SGPP1: variants seen among roughly 807,000 people sequenced by gnomAD.
SGPP1 encodes the protein sphingosine-1-phosphate phosphatase 1.
A neutral mutation model predicts 33.0 loss-of-function variants in SGPP1; 21 were observed. That is an observed-to-expected ratio of 0.64 (90% CI 0.45 to 0.92). The LOEUF is 0.92. Ranked by LOEUF, SGPP1 falls within the 40% of genes least tolerant of loss-of-function variation. SGPP1 has a pLI of 0.00. For missense variants in SGPP1, 543 were observed against 589.4 expected (o/e 0.92, Z 0.81); for synonymous variants, 239 against 241.2 (o/e 0.99, Z 0.08).
chr14:63,715,713 A>T lies in SGPP1; in HGVS notation c.684+11548T>A, dbSNP rs897792374. Among the ~76,000 whole-genome samples the T allele has an allele frequency of 2.0e-5, 3 of 152,196 alleles. 1 individual carries two copies. The highest frequency in any genetic ancestry group is 7.2e-5 in the African/African-American group (3 of 41,436). On this transcript the variant is annotated intron_variant, in intron 1 of 2. Coordinates refer to ENST00000247225, the MANE Select transcript of SGPP1 (RefSeq NM_030791.4). ...TAATTTGCAGGACAGAGTATTGGAG[A>T]GACAAATCTCAGAGACTGAGCCCTG...
chr14:63,721,391 C>A (rs1885768228), intron 1 of SGPP1, among the ~76,000 whole-genome samples: 1 of 151,858 alleles, frequency 6.6e-6, no homozygotes, highest in African/African-American at 2.4e-5. Flanking sequence ...TTGTAGTGAG[C>A]CACGATCATG....
In SGPP1 at chr14:63,727,974, G is replaced by A. The variant is rs2139660048; in HGVS notation, c.-30C>T. On this transcript the variant is annotated 5_prime_UTR_variant, in exon 1 of 3. Transcript: ENST00000247225. ...ACGGAACCCCCGGGAAGGCGGGCCG[G>A]CCTCCGGCGCAGCCCCGAACTGTCC... 7 of 1,526,298 alleles carry A rather than the reference G, an allele frequency of 4.6e-6. 1 individual carries two copies. Among genetic ancestry groups the A allele is most frequent in the Non-Finnish European group, 6.1e-6 (7 of 1,145,566 alleles). The allele number at this position is 1,526,298 out of a possible 1,614,324, so 94.5% of individuals were successfully genotyped here.
Position 63,685,895 on chromosome 14 carries a change from T to C in SGPP1, c.*210A>G, listed in dbSNP as rs1884961559. ...CATGAACATTCTAAATGGATACTTA[T>C]CATTTTCTCAGTAACGAAATAGCTC... On this transcript the variant is annotated 3_prime_UTR_variant, in exon 3 of 3. Transcript: ENST00000247225. The C allele has an allele frequency of 5.7e-6, 2 of 351,290 alleles. No homozygotes were observed. The highest frequency in any genetic ancestry group is 7.7e-5 in the South Asian group (1 of 12,942). 21.8% of individuals were successfully genotyped at this position (351,290 alleles called of 1,614,324 possible).
intron 1 of SGPP1, among the ~76,000 whole-genome samples, chr14:63,715,650 G>A (rs935526019): frequency 6.6e-6 from 1 of 152,104 alleles, no homozygotes; most frequent in African/African-American, 2.4e-5. Flanking sequence ...CTGAGTTAAG[G>A]GGAGAAAGAC....
At position 63,727,385 on chromosome 14, in the gene SGPP1, G is replaced by T; in HGVS notation, c.560C>A (p.Ala187Asp). 2 of 1,614,130 alleles carry T rather than the reference G, an allele frequency of 1.2e-6. No homozygotes were observed. The highest frequency in any genetic ancestry group is 1.7e-6 in the Non-Finnish European group (2 of 1,180,038). Residue 187 changes from alanine (A) to aspartate (D), a missense_variant, in exon 1 of 3, where the codon GCC (alanine) becomes GAC (aspartate). Coordinates refer to ENST00000247225, the MANE Select transcript of SGPP1 (RefSeq NM_030791.4). ...CTCCAACTTGACCACGGGCGGCGAGGCGGGCCTCGGCCAGCGGATGATGTC... is the reference window on the plus strand; with the variant it reads ...CTCCAACTTGACCACGGGCGGCGAGTCGGGCCTCGGCCAGCGGATGATGTC... ...TKDIIRWPRP[A>D]SPPVVKLEVF...
intron 1 of SGPP1, among the ~76,000 whole-genome samples, chr14:63,720,280 A>G (rs1488112818): frequency 6.6e-6 from 1 of 152,006 alleles, no homozygotes; most frequent in African/African-American, 2.4e-5. Context: ...ATGGTAAGAA[A>G]AAAAGAAGAA....
At chr14:63,703,800 GTTTTT>G (rs57439548) in intron 1 of SGPP1, among the ~76,000 whole-genome samples, 2 of 98,922 alleles carry the variant, frequency 2.0e-5, no homozygotes, top group Non-Finnish European at 2.0e-5. Flanking sequence ...CCCTATTTAA[GTTTTT>G]TTTTTTTTTT....
At chr14:63,715,475 C>T (rs1050391816) in intron 1 of SGPP1, among the ~76,000 whole-genome samples, 6 of 151,922 alleles carry the variant, frequency 3.9e-5, no homozygotes, top group African/African-American at 1.5e-4. Context: ...GTATGTTGTT[C>T]GAATAAAACC....
chr14:63,727,701 C>T lies in SGPP1; in HGVS notation c.244G>A (p.Gly82Ser). Residue 82 changes from glycine to serine, a missense_variant, in exon 1 of 3, where the codon GGC becomes AGC. By Grantham distance (56) the Gly-to-Ser change is moderately conservative. Transcript: ENST00000247225. Reference protein sequence around the residue: ...DRNQCPAKPDGGGAPNGVRNG... With the variant: ...DRNQCPAKPDSGGAPNGVRNG... ...CGCACGCCGTTGGGGGCGCCGCCGC[C>T]GTCCGGCTTGGCCGGGCACTGATTG... is the stretch of plus-strand genomic sequence containing the variant. The T allele has an allele frequency of 2.2e-6, 3 of 1,339,840 alleles. No homozygotes were observed. Among genetic ancestry groups the T allele is most frequent in the South Asian group, 1.8e-5 (1 of 54,326 alleles). The allele number at this position is 1,339,840 out of a possible 1,614,324, so 83.0% of individuals were successfully genotyped here. A position where few individuals can be genotyped will look rare whatever the true frequency, so the allele number is the denominator to read the frequency against.
intron 1 of SGPP1, among the ~76,000 whole-genome samples, chr14:63,724,806 TGAGATCAGGAGATTGCAGAGAGCC>T (rs1885844698): frequency 2.0e-5 from 3 of 150,134 alleles, no homozygotes; most frequent in Non-Finnish European, 4.4e-5. Context: ...ATCTCCTGAT[TGAGATCAGGAGATTGCAGAGAGCC>T]GAGATTGCGC....
chr14:63,691,810 A>G (rs1885098959), intron 2 of SGPP1, among the ~76,000 whole-genome samples: 1 of 152,210 alleles, frequency 6.6e-6, no homozygotes, highest in South Asian at 2.1e-4. Flanking sequence ...TTAGACAATG[A>G]CTACTCAAAG....
At position 63,686,605 on chromosome 14, in the gene SGPP1, G is replaced by T; in HGVS notation, c.826C>A (p.Pro276Thr). ...YTILILAVFY[P>T]FVDLIDNFNQ... is the part of the protein sequence containing the mutation. ...AAGTTGTCAATCAGGTCCACAAATGGATAGAAGACAGCTAAGATTAAAATG... is the reference window on the plus strand; with the variant it reads ...AAGTTGTCAATCAGGTCCACAAATGTATAGAAGACAGCTAAGATTAAAATG... Residue 276 changes from proline (P) to threonine (T), a missense_variant, in exon 3 of 3, where the codon CCA becomes ACA. By Grantham distance (38) the Pro-to-Thr change is conservative. Transcript: ENST00000247225. 1.2e-6 allele frequency: 2 copies of T among 1,613,428 alleles called. No homozygotes were observed. Among genetic ancestry groups the T allele is most frequent in the South Asian group, 1.1e-5 (1 of 91,072 alleles).
Position 63,686,397 on chromosome 14 carries a change from G to C in SGPP1, c.1034C>G (p.Pro345Arg). The C allele has an allele frequency of 6.2e-7, 1 of 1,614,136 alleles. No individual in the cohort carries two copies. Among genetic ancestry groups the C allele is most frequent in the Non-Finnish European group, 8.5e-7 (1 of 1,180,034 alleles). The change falls in exon 3 of 3, where the codon CCT (proline) becomes CGT (arginine). Residue 345 changes from proline (P) to arginine (R), a missense_variant. Pro to Arg is a moderately radical substitution (Grantham distance 103). Transcript: ENST00000247225. ...AGCTAAAGGTAATGTATCTAGAGAA[G>C]GATCTAATACTAGACCCATGTTATA... ...VTYNMGLVLDPSLDTLPLAGP... is the reference protein window; with the variant it reads ...VTYNMGLVLDRSLDTLPLAGP...
intron 1 of SGPP1, among the ~76,000 whole-genome samples, chr14:63,708,373 A>G (rs1295744337): frequency 1.4e-5 from 2 of 147,030 alleles, no homozygotes; most frequent in African/African-American, 2.5e-5. Flanking sequence ...CTCCTGCCTC[A>G]GCCTCCCAAG....
chr14:63,727,664 G>A lies in SGPP1; in HGVS notation c.281C>T (p.Ala94Val). 7.5e-7 allele frequency: 1 copy of A among 1,340,412 alleles called. No homozygotes were observed. The highest frequency in any genetic ancestry group is 9.5e-7 in the Non-Finnish European group (1 of 1,053,952). The allele number at this position is 1,340,412 out of a possible 1,614,324, so 83.0% of individuals were successfully genotyped here. A position where few individuals can be genotyped will look rare whatever the true frequency, so the allele number is the denominator to read the frequency against. Residue 94 changes from alanine to valine, a missense_variant, in exon 1 of 3, where the codon GCG (alanine) becomes GTG (valine). Physicochemically the swap from Ala to Val is moderately conservative, Grantham distance 64. Coordinates refer to ENST00000247225, the MANE Select transcript of SGPP1 (RefSeq NM_030791.4). The part of the protein sequence containing the change: ...GAPNGVRNGL[A>V]AELGPASPRR... ...CGGCGAGGCCGGGCCCAGCTCGGCC[G>A]CCAGCCCGTTCCGCACGCCGTTGGG...
At chr14:63,717,935 T>C (rs532825675) in intron 1 of SGPP1, among the ~76,000 whole-genome samples, 26 of 152,198 alleles carry the variant, frequency 1.7e-4, no homozygotes, top group Non-Finnish European at 3.4e-4. Flanking sequence ...AAGGCAATGG[T>C]ACAACATAGT....
intron 1 of SGPP1, among the ~76,000 whole-genome samples, chr14:63,708,791 C>A (rs2139645193): frequency 6.6e-6 from 1 of 152,222 alleles, no homozygotes; most frequent in Middle Eastern, 3.4e-3. Flanking sequence ...TTCTAATTCA[C>A]CTCATTTTAT....
In SGPP1 at chr14:63,686,248, A is replaced by G; in HGVS notation, c.1183T>C (p.Phe395Leu). Residue 395 changes from phenylalanine to leucine, a missense_variant, in exon 3 of 3, where the codon TTC becomes CTC. Physicochemically the swap from Phe to Leu is conservative, Grantham distance 22. Coordinates refer to ENST00000247225, the MANE Select transcript of SGPP1 (RefSeq NM_030791.4). ...KITIPLACKI[F>L]NIPCDDIRKA... Reference sequence around the variant, plus strand: ...CGAATATCATCACACGGTATATTGAAGATTTTGCAGGCTAAAGGAATGGTG... The same window carrying G: ...CGAATATCATCACACGGTATATTGAGGATTTTGCAGGCTAAAGGAATGGTG... The G allele has an allele frequency of 6.2e-7, 1 of 1,614,218 alleles. No homozygotes were observed. Among genetic ancestry groups the G allele is most frequent in the Non-Finnish European group, 8.5e-7 (1 of 1,180,030 alleles).
At chr14:63,727,174 G>C (rs935144110) in intron 1 of SGPP1, 87 bp downstream of exon 1, 2 of 1,472,554 alleles carry the variant, frequency 1.4e-6, no homozygotes, top group Non-Finnish European at 1.8e-6. Context: ...GGAGGGGAAC[G>C]GTCGAATTAA....
Sources: gnomAD v4.1 joint callset for allele counts (sites outside exome capture counted in the v4.1 genomes callset) on GRCh38, gnomAD v4.1.1 for gene constraint, MANE v1.5 for transcripts, NCBI Gene and HGNC (gene_info 2026-07-23, HGNC 2026-07-21) for gene names.